The following HPCAL1 variants were observed in gnomAD, a reference collection of about 807,000 sequenced individuals.
HPCAL1 encodes hippocalcin-like protein 1.
HPCAL1 carries 8 observed loss-of-function variants against 17.1 expected under a neutral mutation model. The observed-to-expected ratio is 0.47, with a 90% CI of 0.27 to 0.84. The LOEUF is 0.84. Ranked by LOEUF, HPCAL1 falls within the 40% of genes least tolerant of loss-of-function variation. HPCAL1 has a pLI of 0.13. For synonymous variants in HPCAL1, 112 were observed against 111.4 expected, an observed-to-expected ratio of 1.01 and a Z score of -0.03; for missense variants, 165 against 271.1, an observed-to-expected ratio of 0.61 and a Z score of 2.75.
At chr2:10,324,730 G>T (rs1194198070) in intron 1 of HPCAL1, among the ~76,000 whole-genome samples, 1 of 149,786 alleles carries the variant, frequency 6.7e-6, no homozygotes, top group African/African-American at 2.5e-5. Flanking sequence ...GCTGGGGGAG[G>T]GGGTGTTTGC....
chr2:10,415,663 GC>G (rs1670615244), intron 2 of HPCAL1, among the ~76,000 whole-genome samples: 3 of 152,192 alleles, frequency 2.0e-5, no homozygotes, highest in African/African-American at 7.2e-5. Flanking sequence ...TTGGTCGGGT[GC>G]CCCAGGCCTC....
intron 2 of HPCAL1, among the ~76,000 whole-genome samples, chr2:10,401,620 C>G (rs1240825942): frequency 1.3e-5 from 2 of 152,196 alleles, no homozygotes; most frequent in Non-Finnish European, 2.9e-5. Context: ...CCTTCTCTCT[C>G]CCTCCTTGAC....
At chr2:10,349,702 CAAAAAAAAAAAAAAAAA>C (rs55897775) in intron 1 of HPCAL1, among the ~76,000 whole-genome samples, 55 of 52,736 alleles carry the variant, frequency 1.0e-3, no homozygotes, top group African/African-American at 3.4e-3. Context: ...GACTCTGTCT[CAAAAAAAAAAAAAAAAA>C]AAAAAAAAAA....
Position 10,363,291 on chromosome 2 carries a change from T to C in HPCAL1, c.-110-33544T>C, listed in dbSNP as rs914603848. Reference sequence around the variant, plus strand: ...CCCTTCTGAGGTCACTGCCACACCATGGCAAGAAAAGTATTTCTGACTCCT... The same window carrying C: ...CCCTTCTGAGGTCACTGCCACACCACGGCAAGAAAAGTATTTCTGACTCCT... On this transcript the variant is annotated intron_variant, in intron 1 of 4. Transcript: ENST00000307845. This position sits in a 1 kb window ranked among gnomAD's most constrained non-coding sequence, Gnocchi z 4.7. 5.3e-5 allele frequency among the ~76,000 whole-genome samples: 8 copies of C among 152,112 alleles called. No individual in the cohort carries two copies. Among genetic ancestry groups the C allele is most frequent in the South Asian group, 2.1e-4 (1 of 4,824 alleles).
chr2:10,382,532 CTG>C (rs1271432502), intron 1 of HPCAL1, among the ~76,000 whole-genome samples: 1 of 148,120 alleles, frequency 6.8e-6, no homozygotes, highest in African/African-American at 2.5e-5. Context: ...GTAGAGAACT[CTG>C]TGCTTTCCAC....
intron 2 of HPCAL1, among the ~76,000 whole-genome samples, chr2:10,398,194 C>T (rs962473911): frequency 1.3e-5 from 2 of 152,224 alleles, no homozygotes; most frequent in Non-Finnish European, 2.9e-5. Context: ...GGGGGAGGGA[C>T]ATTTGGGGAC....
At chr2:10,388,355 C>T (rs1668462181) in intron 1 of HPCAL1, among the ~76,000 whole-genome samples, 1 of 152,176 alleles carries the variant, frequency 6.6e-6, no homozygotes, top group Non-Finnish European at 1.5e-5. Flanking sequence ...ATCTGGGAGC[C>T]ATGGTGAGGG....
intron 2 of HPCAL1, among the ~76,000 whole-genome samples, chr2:10,405,519 G>A (rs1033655760): frequency 3.3e-5 from 5 of 152,218 alleles, no homozygotes; most frequent in South Asian, 2.1e-4. Flanking sequence ...GGTGAAACAC[G>A]GTTCCCTGGG....
chr2:10,407,518 G>T (rs941512997), intron 2 of HPCAL1, among the ~76,000 whole-genome samples: 1 of 151,456 alleles, frequency 6.6e-6, no homozygotes, highest in Non-Finnish European at 1.5e-5. Context: ...GCCCTGTGGG[G>T]GTACAGTGGT....
At chr2:10,345,111 G>A (rs548980998) in intron 1 of HPCAL1, among the ~76,000 whole-genome samples, 1 of 151,852 alleles carries the variant, frequency 6.6e-6, no homozygotes, top group Non-Finnish European at 1.5e-5. Context: ...CTGTGTGTCT[G>A]TCTCTGTCTC....
Position 10,344,241 on chromosome 2 carries a change from T to TA in HPCAL1, c.-111+41065dup, listed in dbSNP as rs1665267519. Among the ~76,000 whole-genome samples the TA allele has an allele frequency of 6.6e-6, 1 of 152,110 alleles. No homozygotes were observed. The highest frequency in any genetic ancestry group is 1.5e-5 in the Non-Finnish European group (1 of 68,018). On this transcript the variant is annotated intron_variant, in intron 1 of 4. Coordinates refer to ENST00000307845, the MANE Select transcript of HPCAL1 (RefSeq NM_002149.4). The surrounding 1 kb of genome is among the most constrained non-coding windows in gnomAD (Gnocchi z 4.9). ...TGGTCTTTGATGCTTGCTTTCCCCA[T>TA]AGGCATCACTTCGACCAGCGTCTGT...
intron 1 of HPCAL1, among the ~76,000 whole-genome samples, chr2:10,322,928 C>T (rs1185932399): frequency 2.6e-5 from 4 of 152,180 alleles, no homozygotes; most frequent in Non-Finnish European, 5.9e-5. Context: ...CCAACATTGT[C>T]CCCAAGTCCC....
chr2:10,368,245 G>C (rs1384474969), intron 1 of HPCAL1, among the ~76,000 whole-genome samples: 1 of 151,416 alleles, frequency 6.6e-6, no homozygotes, highest in African/African-American at 2.4e-5. Context: ...ATGTGTGTGT[G>C]TGCATTGTGT....
chr2:10,385,592 G>A (rs1572777166), intron 1 of HPCAL1, among the ~76,000 whole-genome samples: 1 of 152,176 alleles, frequency 6.6e-6, no homozygotes, highest in Non-Finnish European at 1.5e-5. Flanking sequence ...AGGAGATCAC[G>A]GCAAGCTGTC....
In HPCAL1 at chr2:10,331,824, C is replaced by T. The variant is rs1385579096; in HGVS notation, c.-111+28647C>T. On this transcript the variant is annotated intron_variant, in intron 1 of 4. Coordinates refer to ENST00000307845, the MANE Select transcript of HPCAL1 (RefSeq NM_002149.4). The surrounding 1 kb of genome is among the most constrained non-coding windows in gnomAD (Gnocchi z 5.0). ...TGGTGGCCCCAGCTGGGCTTGCTGC[C>T]TGTGTGTGGTGAGGGTGCCCTTCTT... Among the ~76,000 whole-genome samples the T allele has an allele frequency of 2.0e-5, 3 of 152,148 alleles. No individual in the cohort carries two copies. The highest frequency in any genetic ancestry group is 2.9e-5 in the Non-Finnish European group (2 of 68,020).
At chr2:10,333,508 C>T (rs1664516187) in intron 1 of HPCAL1, among the ~76,000 whole-genome samples, 2 of 152,160 alleles carry the variant, frequency 1.3e-5, no homozygotes, top group African/African-American at 4.8e-5. Flanking sequence ...CCTCCTGTGG[C>T]CCAGCACCTT....
chr2:10,346,042 G>A (rs992563480), intron 1 of HPCAL1, among the ~76,000 whole-genome samples: 1 of 152,142 alleles, frequency 6.6e-6, no homozygotes, highest in African/African-American at 2.4e-5. Context: ...CTGGGGGTGT[G>A]TGTGTCTGTG....
intron 1 of HPCAL1, among the ~76,000 whole-genome samples, chr2:10,317,284 C>T (rs1663376973): frequency 6.6e-6 from 1 of 152,170 alleles, no homozygotes; most frequent in Admixed American, 6.5e-5. Flanking sequence ...CCTACCTTTT[C>T]CTATCAGAAG....
rs112274216 is a variant in HPCAL1, at chr2:10,349,657, C to T, written c.-111+46480C>T. On this transcript the variant is annotated intron_variant, in intron 1 of 4. Coordinates refer to ENST00000307845, the MANE Select transcript of HPCAL1 (RefSeq NM_002149.4). Reference sequence around the variant, plus strand: ...GGCGGAGCTTGCAGTGATCCGAGATCATGCCACTGCACTCCAGCCTGGGTG... The same window carrying T: ...GGCGGAGCTTGCAGTGATCCGAGATTATGCCACTGCACTCCAGCCTGGGTG... 3.5e-3 allele frequency among the ~76,000 whole-genome samples: 418 copies of T among 120,122 alleles called. 8 individuals carry two copies. Among genetic ancestry groups the T allele is most frequent in the African/African-American group, 0.013 (395 of 31,378 alleles). 78.8% of individuals were successfully genotyped at this position (120,122 alleles called of 152,430 possible).
Sources: gnomAD v4.1 joint callset for allele counts (sites outside exome capture counted in the v4.1 genomes callset) on GRCh38, gnomAD v4.1.1 for gene constraint, Gnocchi (gnomAD v3.1) non-coding constraint, MANE v1.5 for transcripts, NCBI Gene and HGNC (gene_info 2026-07-23, HGNC 2026-07-21) for gene names.